The following NALCN variants were observed in gnomAD, a reference collection of about 807,000 sequenced individuals.
The protein encoded by NALCN is sodium leak channel NALCN.
NALCN carries 111 observed loss-of-function variants against 225.3 expected under a neutral mutation model. The observed-to-expected ratio is 0.49, with a 90% CI of 0.42 to 0.58. The LOEUF is 0.58. Among genes scored for constraint, NALCN ranks in the 20% least tolerant of loss-of-function variants. The pLI, the probability that NALCN is intolerant of heterozygous loss-of-function variation, is 0.00. For synonymous variants in NALCN, 764 were observed against 769.0 expected (o/e 0.99, Z 0.11); for missense variants, 1,378 against 2,202.4 (o/e 0.63, Z 7.49).
chr13:101,252,494 G>A (rs2042091266), intron 11 of NALCN, among the ~76,000 whole-genome samples: 2 of 152,272 alleles, frequency 1.3e-5, no homozygotes, highest in South Asian at 4.1e-4. Context: ...GTCTGGGGGT[G>A]GAGTGGAATT....
At chr13:101,279,848 T>TA (rs202183769) in intron 10 of NALCN, among the ~76,000 whole-genome samples, 2 of 89,448 alleles carry the variant, frequency 2.2e-5, no homozygotes, top group Non-Finnish European at 6.1e-5. Context: ...AATAAATAAA[T>TA]AAATAAATAA....
intron 15 of NALCN, among the ~76,000 whole-genome samples, chr13:101,154,750 C>T (rs1215342330): frequency 6.6e-6 from 1 of 152,158 alleles, no homozygotes; most frequent in Non-Finnish European, 1.5e-5. Flanking sequence ...TAATATTTCT[C>T]TTCATTCTAT....
intron 10 of NALCN, among the ~76,000 whole-genome samples, chr13:101,267,042 C>T (rs758060563): frequency 1.3e-5 from 2 of 152,190 alleles, no homozygotes; most frequent in Non-Finnish European, 2.9e-5. Flanking sequence ...TCCATCTCCA[C>T]AAAGGTACCA....
chr13:101,380,857 A>AACACACACACACACAC (rs58640505), intron 3 of NALCN, among the ~76,000 whole-genome samples: 2 of 145,568 alleles, frequency 1.4e-5, no homozygotes, highest in African/African-American at 5.1e-5. Flanking sequence ...ATGCCTAGCT[A>AACACACACACACACAC]ACACACACAC....
chr13:101,113,170 A>C (rs547740978), intron 18 of NALCN, among the ~76,000 whole-genome samples: 1 of 152,348 alleles, frequency 6.6e-6, no homozygotes, highest in South Asian at 2.1e-4. Flanking sequence ...TCTAACGAGA[A>C]CATTCTGAAA....
chr13:101,227,729 T>C (rs991550507), intron 13 of NALCN, among the ~76,000 whole-genome samples: 4 of 152,166 alleles, frequency 2.6e-5, no homozygotes, highest in African/African-American at 4.8e-5. Context: ...TTGAACCTGG[T>C]GCCTTCCCTA....
intron 15 of NALCN, among the ~76,000 whole-genome samples, chr13:101,147,181 A>T (rs528446530): frequency 6.6e-6 from 1 of 152,224 alleles, no homozygotes; most frequent in Admixed American, 6.5e-5. Context: ...CTGCATCCCC[A>T]CCAGTGCCTC....
At chr13:101,415,148 C>T (rs1290323945) in intron 1 of NALCN, among the ~76,000 whole-genome samples, 1 of 144,778 alleles carries the variant, frequency 6.9e-6, no homozygotes, top group Non-Finnish European at 1.5e-5. Context: ...CATAGTGAAA[C>T]CGCTCCTCTC....
Position 101,104,929 on chromosome 13 carries a change from T to C in NALCN, c.2601A>G (p.Thr867=). ...RFNASKTDPV[T]GAVKNTKYHQ... ...GGTACTTTGTATTTTTCACAGCTCCTGTGACAGGGTCTGTTTTAGATCTGT... is the reference window on the plus strand; with the variant it reads ...GGTACTTTGTATTTTTCACAGCTCCCGTGACAGGGTCTGTTTTAGATCTGT... The change falls in exon 23 of 44, where the codon ACA becomes ACG. Residue 867 remains threonine, a synonymous_variant. Transcript: ENST00000251127. The surrounding 1 kb of genome is among the most constrained non-coding windows in gnomAD (Gnocchi z 4.2). 6.2e-7 allele frequency: 1 copy of C among 1,613,808 alleles called. No homozygotes were observed. The highest frequency in any genetic ancestry group is 8.5e-7 in the Non-Finnish European group (1 of 1,179,792).
chr13:101,271,174 A>G (rs1013472440), intron 10 of NALCN, among the ~76,000 whole-genome samples: 1 of 152,212 alleles, frequency 6.6e-6, no homozygotes, highest in Middle Eastern at 3.2e-3. Flanking sequence ...TTTAATTGCC[A>G]GTAAGACAGA....
chr13:101,189,725 T>C (rs978494694), intron 14 of NALCN, among the ~76,000 whole-genome samples: 2 of 152,236 alleles, frequency 1.3e-5, no homozygotes, highest in African/African-American at 2.4e-5. Context: ...TTACAGACTT[T>C]TAAAAAGTGT....
chr13:101,087,784 T>G (rs2034008028), intron 30 of NALCN, among the ~76,000 whole-genome samples: 1 of 152,170 alleles, frequency 6.6e-6, no homozygotes, highest in South Asian at 2.1e-4. Context: ...TATACATTTA[T>G]TTCCAGTTAC....
At chr13:101,143,378 C>T (rs1399656914) in intron 16 of NALCN, among the ~76,000 whole-genome samples, 157 bp from the exon 17 acceptor site, 1 of 152,174 alleles carries the variant, frequency 6.6e-6, no homozygotes, top group African/African-American at 2.4e-5. Flanking sequence ...GCAACAGCTT[C>T]CTGAAACTCA....
intron 18 of NALCN, among the ~76,000 whole-genome samples, chr13:101,120,076 C>T (rs1170374835): frequency 2.0e-5 from 3 of 152,200 alleles, no homozygotes; most frequent in Admixed American, 2.0e-4. Context: ...TTACATACCT[C>T]AGGCTCTAGG....
chr13:101,083,583 G>T, intron 31 of NALCN, 128 bp downstream of exon 31: 1 of 848,562 alleles, frequency 1.2e-6, no homozygotes, highest in Non-Finnish European at 1.8e-6. Flanking sequence ...TTTGGAGCCT[G>T]TTTCTGTATT....
At chr13:101,369,166 A>ATG (rs56739782) in intron 6 of NALCN, among the ~76,000 whole-genome samples, 17,303 of 146,324 alleles carry the variant, frequency 0.12, 1,064 homozygotes, top group South Asian at 0.2. Flanking sequence ...GACAAAATAA[A>ATG]TGTGTGTGTG....
rs142638703 is a variant in NALCN at position 101,082,667 on chromosome 13, C to T, written c.3765+142G>A. The T allele has an allele frequency of 3.2e-4, 252 of 794,262 alleles. 1 individual carries two copies. The East Asian group carries it at 5.9e-3, about 19-fold the overall frequency. The allele number at this position is 794,262 out of a possible 1,614,324, so 49.2% of individuals were successfully genotyped here. On this transcript the variant is annotated intron_variant, in intron 33 of 43. Transcript: ENST00000251127. ...TGTCTTTGTTCGAGTTAAGCAGAAC[C>T]GCTTAAGTAGGAAATATCCTAAGGG... is the stretch of plus-strand genomic sequence containing the variant.
intron 22 of NALCN, among the ~76,000 whole-genome samples, chr13:101,107,248 A>C (rs529388760): frequency 6.6e-6 from 1 of 152,238 alleles, no homozygotes; most frequent in Admixed American, 6.5e-5. Context: ...GTTAAAATGC[A>C]CAAACGAAAA....
chr13:101,082,127 A>G (rs595417), intron 33 of NALCN, among the ~76,000 whole-genome samples: 88,471 of 151,996 alleles, frequency 0.58, 26,534 homozygotes, highest in African/African-American at 0.72. Flanking sequence ...ATCCACCCAC[A>G]TCGGCTTCCC....
Sources: gnomAD v4.1 joint callset for allele counts (sites outside exome capture counted in the v4.1 genomes callset) on GRCh38, gnomAD v4.1.1 for gene constraint, Gnocchi (gnomAD v3.1) non-coding constraint, MANE v1.5 for transcripts, NCBI Gene and HGNC (gene_info 2026-07-23, HGNC 2026-07-21) for gene names.